COL23A1: variants seen among roughly 807,000 people sequenced by gnomAD.
COL23A1 encodes collagen alpha-1(XXIII) chain.
Under a neutral mutation model 99.3 loss-of-function variants are expected in COL23A1, and 97 were observed. The ratio of observed to expected loss-of-function variants is 0.98; its 90% CI spans 0.83 to 1.16. COL23A1 has a LOEUF of 1.16. COL23A1 is among the 50% of genes most tolerant of loss of function. The pLI, the probability that COL23A1 is intolerant of heterozygous loss-of-function variation, is 0.00. For missense variants in COL23A1, 762 were observed against 757.4 expected (o/e 1.01, Z -0.07); for synonymous variants, 320 against 308.2 (o/e 1.04, Z -0.40).
Position 178,353,589 on chromosome 5 carries a change from G to A in COL23A1, c.362-46670C>T, listed in dbSNP as rs569596335. On this transcript the variant is annotated intron_variant, in intron 2 of 28. Coordinates refer to ENST00000390654, the MANE Select transcript of COL23A1 (RefSeq NM_173465.4). ...CATACCCAAGTCACCTTTAGTCATAGAGAATCGCAAATGACCTCTTCCCTG... is the reference window on the plus strand; with the variant it reads ...CATACCCAAGTCACCTTTAGTCATAAAGAATCGCAAATGACCTCTTCCCTG... 3.6e-4 allele frequency among the ~76,000 whole-genome samples: 55 copies of A among 152,302 alleles called. No homozygotes were observed. In the Middle Eastern group the frequency reaches 0.014, roughly 38 times the overall value.
At chr5:178,443,730 T>C (rs1268945925) in intron 2 of COL23A1, among the ~76,000 whole-genome samples, 2 of 152,020 alleles carry the variant, frequency 1.3e-5, no homozygotes, top group South Asian at 2.1e-4. Context: ...ATTGCTGGGA[T>C]TACAGGCGTC....
intron 27 of COL23A1, among the ~76,000 whole-genome samples, chr5:178,239,447 C>T (rs1010329176): frequency 3.3e-5 from 5 of 152,188 alleles, no homozygotes; most frequent in African/African-American, 1.2e-4. Context: ...TGGGCAGGAA[C>T]AGGAGGGCAC....
intron 2 of COL23A1, among the ~76,000 whole-genome samples, chr5:178,312,575 G>A (rs901481122): frequency 3.7e-5 from 3 of 81,206 alleles, no homozygotes; most frequent in East Asian, 3.3e-4. Flanking sequence ...GGCTCCCCCC[G>A]CCCAGCCCTC....
chr5:178,338,733 G>T (rs1760493669), intron 2 of COL23A1, among the ~76,000 whole-genome samples: 1 of 152,220 alleles, frequency 6.6e-6, no homozygotes, highest in South Asian at 2.1e-4. Flanking sequence ...TGGTTAATGG[G>T]GGGGTCCTGG....
At chr5:178,355,456 G>T (rs188416066) in intron 2 of COL23A1, among the ~76,000 whole-genome samples, 2 of 152,158 alleles carry the variant, frequency 1.3e-5, no homozygotes, top group East Asian at 3.8e-4. Flanking sequence ...TCCAGCCTGG[G>T]TTACATAGTA....
chr5:178,553,787 C>T (rs1010666061), intron 2 of COL23A1, among the ~76,000 whole-genome samples: 2 of 152,146 alleles, frequency 1.3e-5, no homozygotes, highest in East Asian at 1.9e-4. Context: ...CCTAGAAGAA[C>T]GTGCCAGTAA....
intron 1 of COL23A1, among the ~76,000 whole-genome samples, chr5:178,570,965 C>T (rs1234669525): frequency 6.6e-6 from 1 of 152,108 alleles, no homozygotes; most frequent in African/African-American, 2.4e-5. Context: ...AACGAACCAC[C>T]GAAAAGGATT....
intron 25 of COL23A1, among the ~76,000 whole-genome samples, chr5:178,245,059 A>G (rs1425684229): frequency 1.5e-5 from 2 of 130,542 alleles, no homozygotes; most frequent in African/African-American, 3.3e-5. Flanking sequence ...TCATCCATCC[A>G]TCCATCCACT....
intron 1 of COL23A1, among the ~76,000 whole-genome samples, chr5:178,581,329 G>A (rs1413204014): frequency 2.0e-5 from 3 of 152,166 alleles, no homozygotes; most frequent in Non-Finnish European, 4.4e-5. Context: ...ACTTTGGGAG[G>A]CCAAGGCAGG....
At chr5:178,547,261 A>G (rs1761635021) in intron 2 of COL23A1, among the ~76,000 whole-genome samples, 2 of 152,000 alleles carry the variant, frequency 1.3e-5, no homozygotes, top group Non-Finnish European at 2.9e-5. Flanking sequence ...CCTGGGGCAC[A>G]CTCGGAACTC....
intron 2 of COL23A1, among the ~76,000 whole-genome samples, chr5:178,502,159 T>C (rs1318671074): frequency 1.3e-5 from 2 of 152,106 alleles, no homozygotes; most frequent in African/African-American, 4.8e-5. Flanking sequence ...TGAGATGGAG[T>C]CTCGCTCTGT....
intron 3 of COL23A1, among the ~76,000 whole-genome samples, chr5:178,294,564 C>G (rs973310360): frequency 6.6e-6 from 1 of 151,990 alleles, no homozygotes; most frequent in Non-Finnish European, 1.5e-5. Flanking sequence ...CCTCTGGAAA[C>G]AGTAAGGAGA....
rs1450393989 is a variant in COL23A1, at chr5:178,358,397, ATG to A, written c.362-51480_362-51479del. Among the ~76,000 whole-genome samples, 10 of 124,614 alleles carry A rather than the reference ATG, an allele frequency of 8.0e-5. No individual in the cohort carries two copies. The South Asian group carries it at 1.9e-3, about 23-fold the overall frequency. The allele number at this position is 124,614 out of a possible 152,430, so 81.8% of individuals were successfully genotyped here. A position where few individuals can be genotyped will look rare whatever the true frequency, so the allele number is the denominator to read the frequency against. ...GTGTATGTCTAATGTGTGTATGTGT[ATG>A]TGTATGTGTGTATGTGTATGTGTGT... On this transcript the variant is annotated intron_variant, in intron 2 of 28. Transcript: ENST00000390654.
At chr5:178,471,802 T>G (rs1756765278) in intron 2 of COL23A1, among the ~76,000 whole-genome samples, 1 of 152,136 alleles carries the variant, frequency 6.6e-6, no homozygotes, top group East Asian at 1.9e-4. Context: ...TGGAATTATT[T>G]GAACTGGCCA....
intron 2 of COL23A1, among the ~76,000 whole-genome samples, chr5:178,414,173 A>C (rs1045376577): frequency 2.6e-5 from 4 of 152,180 alleles, no homozygotes; most frequent in Admixed American, 2.6e-4. Flanking sequence ...TCATGTGGGG[A>C]AACAACTCCG....
Position 178,308,730 on chromosome 5 carries a change from GGCT to G in COL23A1, c.362-1814_362-1812del. Among the ~76,000 whole-genome samples, 1 of 152,246 alleles carries G rather than the reference GGCT, an allele frequency of 6.6e-6. No homozygotes were observed. The highest frequency in any genetic ancestry group is 1.5e-5 in the Non-Finnish European group (1 of 68,016). ...GTCTCCTCCCCAGTGCCCTGTGCGG[GGCT>G]GATGGTGCCTGGGAACCTCCAGAGC... On this transcript the variant is annotated intron_variant, in intron 2 of 28. Transcript: ENST00000390654. This position sits in a 1 kb window ranked among gnomAD's most constrained non-coding sequence, Gnocchi z 5.1.
intron 2 of COL23A1, among the ~76,000 whole-genome samples, chr5:178,505,741 A>G (rs1758832561): frequency 1.3e-5 from 2 of 152,158 alleles, no homozygotes; most frequent in African/African-American, 4.8e-5. Context: ...TAATCTGCAG[A>G]CAAACAAAGC....
intron 2 of COL23A1, among the ~76,000 whole-genome samples, chr5:178,314,695 C>T (rs1311990064): frequency 1.3e-5 from 2 of 152,154 alleles, no homozygotes. Flanking sequence ...TACACTTGGC[C>T]CCAATCTCGA....
chr5:178,403,134 A>AAAAAAAAAAC (rs1764559205), intron 2 of COL23A1, among the ~76,000 whole-genome samples: 1 of 146,314 alleles, frequency 6.8e-6, no homozygotes, highest in Non-Finnish European at 1.5e-5. Flanking sequence ...AAATAAATAA[A>AAAAAAAAAAC]AAATAAATAC....
Sources: allele counts gnomAD v4.1 joint callset (sites outside exome capture counted in the v4.1 genomes callset), GRCh38; gene constraint gnomAD v4.1.1; non-coding constraint Gnocchi (gnomAD v3.1); transcripts MANE v1.5; gene names NCBI Gene and HGNC (gene_info 2026-07-23, HGNC 2026-07-21).